LRP4: variants seen among roughly 807,000 people sequenced by gnomAD.
LRP4 encodes the protein low-density lipoprotein receptor-related protein 4.
Under a neutral mutation model 220.3 loss-of-function variants are expected in LRP4, and 95 were observed. That is an observed-to-expected ratio of 0.43 (90% confidence interval 0.37 to 0.51). The LOEUF (loss-of-function observed/expected upper bound fraction) is 0.51, where lower values mean the gene tolerates loss of function less well. Among genes scored for constraint, LRP4 ranks in the 20% least tolerant of loss-of-function variants. The pLI is 0.00. For missense variants in LRP4, 1,925 were observed against 2,567.0 expected (o/e 0.75, Z 5.40); for synonymous variants, 903 against 954.6 (o/e 0.95, Z 1.00).
At chr11:46,911,566 G>C (rs1941858693) in intron 1 of LRP4, among the ~76,000 whole-genome samples, 1 of 143,646 alleles carries the variant, frequency 7.0e-6, no homozygotes, top group Admixed American at 7.0e-5. Context: ...TCCAGCCTTG[G>C]CAATAGAGTG....
Position 46,890,190 on chromosome 11 carries a change from C to G in LRP4, c.1916-70G>C. ...TGTCCCCTGGGCCCAGGCCTGGCAA[C>G]TACACAAAACCTCTACCAAGGCTCC... On this transcript the variant is annotated intron_variant, in intron 14 of 37. Coordinates refer to ENST00000378623, the MANE Select transcript of LRP4 (RefSeq NM_002334.4). The surrounding 1 kb of genome is among the most constrained non-coding windows in gnomAD (Gnocchi z 5.3). The G allele has an allele frequency of 6.2e-7, 1 of 1,606,864 alleles. No individual in the cohort carries two copies. Among genetic ancestry groups the G allele is most frequent in the African/African-American group, 1.3e-5 (1 of 74,826 alleles).
Position 46,879,269 on chromosome 11 carries a change from T to G in LRP4, c.2861A>C (p.Tyr954Ser). Residue 954 changes from tyrosine (Y) to serine (S), a missense_variant, in exon 21 of 38, where the codon TAT becomes TCT. Coordinates refer to ENST00000378623, the MANE Select transcript of LRP4 (RefSeq NM_002334.4). ...QLPHPFGLTL[Y>S]GERIYWTDWQ... The stretch of plus-strand genomic sequence containing the variant: ...GTCAGTCCAATAGATGCGCTCTCCA[T>G]AGAGGGTCAGCCCAAATGGGTGGGG... 1 of 1,614,214 alleles carries G rather than the reference T, an allele frequency of 6.2e-7. No individual in the cohort carries two copies. The highest frequency in any genetic ancestry group is 2.2e-5 in the East Asian group (1 of 44,886).
chr11:46,858,910 G>C lies in LRP4; in HGVS notation c.*73C>G, dbSNP rs968108487. On this transcript the variant is annotated 3_prime_UTR_variant, in exon 38 of 38. Coordinates refer to ENST00000378623, the MANE Select transcript of LRP4 (RefSeq NM_002334.4). ...CAAGCACACAGAAGCGGGGCCTGCG[G>C]TGTAAGCGAGCACAAGGACTAGACG... is the stretch of plus-strand genomic sequence containing the variant. 7.1e-7 allele frequency: 1 copy of C among 1,416,176 alleles called. No individual in the cohort carries two copies. Among genetic ancestry groups the C allele is most frequent in the Non-Finnish European group, 1.0e-6 (1 of 1,002,432 alleles). The allele number at this position is 1,416,176 out of a possible 1,614,324, so 87.7% of individuals were successfully genotyped here.
Position 46,873,880 on chromosome 11 carries a change from T to C in LRP4, c.4230-287A>G. The C allele has an allele frequency of 2.2e-6, 1 of 463,330 alleles. No individual in the cohort carries two copies. Among genetic ancestry groups the C allele is most frequent in the East Asian group, 3.4e-5 (1 of 29,404 alleles). The allele number at this position is 463,330 out of a possible 1,614,324, so 28.7% of individuals were successfully genotyped here. ...GAAGACAAGTTTATCATTCCCCACA[T>C]ACCTTTGGGAAGAGACAAGGATTGC... is the stretch of plus-strand genomic sequence containing the variant. On this transcript the variant is annotated intron_variant, in intron 28 of 37. Transcript: ENST00000378623. This position sits in a 1 kb window ranked among gnomAD's most constrained non-coding sequence, Gnocchi z 4.2.
intron 7 of LRP4, among the ~76,000 whole-genome samples, chr11:46,898,289 G>A (rs1428898162): frequency 6.6e-6 from 1 of 152,200 alleles, no homozygotes; most frequent in Non-Finnish European, 1.5e-5. Context: ...AGGTTCAAGC[G>A]ATTCTCCTGC....
chr11:46,867,588 A>G (rs530131476), intron 34 of LRP4, among the ~76,000 whole-genome samples: 1 of 152,142 alleles, frequency 6.6e-6, no homozygotes, highest in African/African-American at 2.4e-5. Context: ...CAGCCTCCAG[A>G]GTAGCTGGGA....
intron 22 of LRP4, among the ~76,000 whole-genome samples, chr11:46,878,562 C>G (rs1941073456): frequency 6.6e-6 from 1 of 152,100 alleles, no homozygotes; most frequent in South Asian, 2.1e-4. Context: ...GCATGAGCCA[C>G]CGTGCCCAGC....
intron 32 of LRP4, 58 bp downstream of exon 32, chr11:46,868,930 G>T (rs915271154): frequency 1.9e-6 from 3 of 1,611,666 alleles, no homozygotes; most frequent in Non-Finnish European, 1.7e-6. Flanking sequence ...ACAGTCCTTG[G>T]GTTGACCGAC....
chr11:46,870,390 TTTCTTTCCTTTC>T (rs1207928077), intron 31 of LRP4, among the ~76,000 whole-genome samples: 7 of 152,268 alleles, frequency 4.6e-5, no homozygotes, highest in South Asian at 2.1e-4. Flanking sequence ...TTCTCTTTCT[TTTCTTTCCTTTC>T]TTCTTTCCTT....
chr11:46,874,295 G>C (rs1221479680), intron 28 of LRP4: 4 of 164,192 alleles, frequency 2.4e-5, no homozygotes, highest in Non-Finnish European at 5.4e-5. Context: ...GAGAATATCT[G>C]CCATGGTAAA....
rs1941610724 is a variant in LRP4 at position 46,899,125 on chromosome 11, A to G, written c.548-93T>C. 7.9e-7 allele frequency: 1 copy of G among 1,264,960 alleles called. No individual in the cohort carries two copies. The highest frequency in any genetic ancestry group is 1.1e-6 in the Non-Finnish European group (1 of 892,224). 78.4% of individuals were successfully genotyped at this position (1,264,960 alleles called of 1,614,324 possible). A position where few individuals can be genotyped will look rare whatever the true frequency, so the allele number is the denominator to read the frequency against. Reference sequence around the variant, plus strand: ...CCTCAAGCAGGCAGGATGCTCAGGCAGGAGAGCTTCTTCAAGTGAGATGTA... The same window carrying G: ...CCTCAAGCAGGCAGGATGCTCAGGCGGGAGAGCTTCTTCAAGTGAGATGTA... On this transcript the variant is annotated intron_variant, in intron 5 of 37. Coordinates refer to ENST00000378623, the MANE Select transcript of LRP4 (RefSeq NM_002334.4). This position sits in a 1 kb window ranked among gnomAD's most constrained non-coding sequence, Gnocchi z 5.9.
chr11:46,859,311 C>A lies in LRP4; in HGVS notation c.5390G>T (p.Gly1797Val). Residue 1797 changes from glycine (G) to valine (V), a missense_variant, in exon 38 of 38, where the codon GGG becomes GTG. By Grantham distance (109) the Gly-to-Val change is moderately radical (BLOSUM62 -3). Around this residue, in one of 3 missense-constraint regions of LRP4, gnomAD observed 1,244 missense variants for 1,624.9 expected, o/e 0.77. Transcript: ENST00000378623. ...YNQLCYKKEGGPDHNYTKEKI... is the reference protein window; with the variant it reads ...YNQLCYKKEGVPDHNYTKEKI... ...CTCCTTGGTGTAGTTATGGTCAGGCCCTCCCTAGGGTGGAGAGTGGGCAGA... is the reference window on the plus strand; with the variant it reads ...CTCCTTGGTGTAGTTATGGTCAGGCACTCCCTAGGGTGGAGAGTGGGCAGA... The A allele has an allele frequency of 1.2e-6, 2 of 1,613,260 alleles. No individual in the cohort carries two copies. The highest frequency in any genetic ancestry group is 1.7e-6 in the Non-Finnish European group (2 of 1,179,392).
chr11:46,875,998 TAGTTATTCC>T lies in LRP4; in HGVS notation c.3537-41_3537-33del. 9 of 1,603,970 alleles carry T rather than the reference TAGTTATTCC, an allele frequency of 5.6e-6. No homozygotes were observed. The highest frequency in any genetic ancestry group is 7.7e-6 in the Non-Finnish European group (9 of 1,170,868). ...GAGGAAGAATATTAGCTATATTAGCTAGTTATTCCAGCAGCTACCACATACCATGAATAC... is the reference window on the plus strand; with the variant it reads ...GAGGAAGAATATTAGCTATATTAGCTAGCAGCTACCACATACCATGAATAC... On this transcript the variant is annotated intron_variant, in intron 25 of 37. Transcript: ENST00000378623. The surrounding 1 kb of genome is among the most constrained non-coding windows in gnomAD (Gnocchi z 4.5).
chr11:46,870,746 C>G (rs1038564355), intron 31 of LRP4, among the ~76,000 whole-genome samples: 3 of 152,182 alleles, frequency 2.0e-5, no homozygotes, highest in Non-Finnish European at 4.4e-5. Flanking sequence ...ATCGAGAATT[C>G]CTGTTGGCCT....
chr11:46,896,955 G>A lies in LRP4; in HGVS notation c.836C>T (p.Ser279Leu), dbSNP rs1437177529. The A allele has an allele frequency of 1.9e-6, 3 of 1,614,236 alleles. No homozygotes were observed. In the South Asian group the frequency reaches 3.3e-5, roughly 18 times the overall value. Residue 279 changes from serine to leucine, a missense_variant, in exon 8 of 38, where the codon TCA becomes TTA. Physicochemically the swap from Ser to Leu is moderately radical, Grantham distance 145 (BLOSUM62 -2). Coordinates refer to ENST00000378623, the MANE Select transcript of LRP4 (RefSeq NM_002334.4). ...CCAGGACAGGCGGACACAGCGGCCT[G>A]AGTGACAGCGGAACTGTTCTGCCGT... ...MCTAEQFRCH[S>L]GRCVRLSWRC... is the part of the protein sequence containing the mutation.
chr11:46,874,773 T>C, intron 28 of LRP4, 27 bp downstream of exon 28: 1 of 1,610,400 alleles, frequency 6.2e-7, no homozygotes, highest in Non-Finnish European at 8.5e-7. Context: ...AATCTGTGTC[T>C]TCTGGAGGTT....
At position 46,871,580 on chromosome 11, in the gene LRP4, C is replaced by T. The variant is rs1373017728; in HGVS notation, c.4637G>A (p.Gly1546Glu). Residue 1546 changes from glycine (G) to glutamate (E), a missense_variant, in exon 31 of 38, where the codon GGG (glycine) becomes GAG (glutamate). Physicochemically the swap from Gly to Glu is moderately conservative, Grantham distance 98. Around this residue, in one of 3 missense-constraint regions of LRP4, gnomAD observed 1,244 missense variants for 1,624.9 expected, o/e 0.77. Coordinates refer to ENST00000378623, the MANE Select transcript of LRP4 (RefSeq NM_002334.4). ...LDRIESADLN[G>E]KLRQVLVSHV... ...GCTGACCAAGACCTGCCGCAGTTTC[C>T]CATTGAGGTCAGCACTCTCGATCCG... 6.2e-7 allele frequency: 1 copy of T among 1,613,406 alleles called. No individual in the cohort carries two copies. The highest frequency in any genetic ancestry group is 1.7e-5 in the Admixed American group (1 of 59,966).
At chr11:46,878,471 A>G (rs1941071876) in intron 22 of LRP4, among the ~76,000 whole-genome samples, 1 of 151,832 alleles carries the variant, frequency 6.6e-6, no homozygotes. Context: ...ACGAGGTTTC[A>G]CCATGTTGGC....
At chr11:46,903,237 A>AT (rs1941701314) in intron 1 of LRP4, among the ~76,000 whole-genome samples, 1 of 152,192 alleles carries the variant, frequency 6.6e-6, no homozygotes, top group South Asian at 2.1e-4. Context: ...GCTCATACCT[A>AT]TATCACAGCA....
Sources: gnomAD v4.1 joint callset for allele counts (sites outside exome capture counted in the v4.1 genomes callset) on GRCh38, gnomAD v4.1.1 for gene constraint, gnomAD v4.1.1 regional missense constraint, Gnocchi (gnomAD v3.1) non-coding constraint, MANE v1.5 for transcripts, NCBI Gene and HGNC (gene_info 2026-07-23, HGNC 2026-07-21) for gene names.